Variants in DNMT1 observed in about 807,000 individuals in gnomAD.
DNMT1 encodes the protein DNA methyltransferase 1, also known as DNA (cytosine-5)-methyltransferase 1.
In DNMT1, 24 loss-of-function variants were observed where a neutral mutation model predicts 205.3. That is an observed-to-expected ratio of 0.12 (90% CI 0.08 to 0.16). The LOEUF (loss-of-function observed/expected upper bound fraction) is 0.16. Ranked by LOEUF, DNMT1 falls within the 10% of genes least tolerant of loss-of-function variation. The probability of loss-of-function intolerance (pLI) is 1.00; values close to 1 mark genes in which losing one functional copy is unlikely to be tolerated. For synonymous variants in DNMT1, 817 were observed against 839.8 expected (o/e 0.97, Z 0.47); for missense variants, 1,293 against 2,177.7 (o/e 0.59, Z 8.09).
At chr19:10,174,565 G>A (rs958368710) in intron 7 of DNMT1, among the ~76,000 whole-genome samples, 3 of 151,944 alleles carry the variant, frequency 2.0e-5, no homozygotes, top group African/African-American at 7.3e-5. Flanking sequence ...AATTAGCTGG[G>A]TATGATGGCA....
At chr19:10,179,113 C>G (rs1480774998) in intron 5 of DNMT1, among the ~76,000 whole-genome samples, 15 of 99,682 alleles carry the variant, frequency 1.5e-4, no homozygotes, top group African/African-American at 5.6e-4. Context: ...TGGGAGACAA[C>G]AAGACTCCAT....
At chr19:10,155,741 G>A in intron 19 of DNMT1, 112 bp downstream of exon 19, 1 of 1,126,784 alleles carries the variant, frequency 8.9e-7, no homozygotes, top group Non-Finnish European at 1.3e-6. Flanking sequence ...CAGTCACATG[G>A]CCTTCTGCAA....
At chr19:10,165,688 C>T (rs1248352680) in intron 11 of DNMT1, among the ~76,000 whole-genome samples, 1 of 152,200 alleles carries the variant, frequency 6.6e-6, no homozygotes, top group African/African-American at 2.4e-5. Flanking sequence ...CCACCATGCC[C>T]AGCCCTCACA....
rs1204254455 is a variant in DNMT1 at position 10,140,711 on chromosome 19, G to A, written c.3523+70C>T. On this transcript the variant is annotated intron_variant, in intron 32 of 40. Coordinates refer to ENST00000359526, the MANE Select transcript of DNMT1 (RefSeq NM_001130823.3). The surrounding 1 kb of genome is among the most constrained non-coding windows in gnomAD (Gnocchi z 8.4). ...GTCAGGAAGGTGACCGGGGTTGGAA[G>A]TCGTTTCAGGTAGCACCTGCCCGGT... is the stretch of plus-strand genomic sequence containing the variant. The A allele has an allele frequency of 1.9e-5, 30 of 1,612,420 alleles. No individual in the cohort carries two copies. Among genetic ancestry groups the A allele is most frequent in the Admixed American group, 3.3e-5 (2 of 59,996 alleles).
chr19:10,153,050 G>T lies in DNMT1; in HGVS notation c.2020-1203C>A, dbSNP rs750035782. On this transcript the variant is annotated intron_variant, in intron 22 of 40. Transcript: ENST00000359526. ...TAAGAAGCCAGATAGGTGGTGTGAG[G>T]AAAGAAGAACGCACACTGCTCAAAT... Among the ~76,000 whole-genome samples the T allele has an allele frequency of 2.0e-5, 3 of 152,096 alleles. No homozygotes were observed. The South Asian group carries it at 6.2e-4, about 32-fold the overall frequency.
At position 10,160,635 on chromosome 19, in the gene DNMT1, C is replaced by T. The variant is rs148421381; in HGVS notation, c.1009-217G>A. Among the ~76,000 whole-genome samples the T allele has an allele frequency of 6.5e-3, 988 of 152,338 alleles. 11 individuals carry two copies. The highest frequency in any genetic ancestry group is 0.023 in the African/African-American group (945 of 41,576). On this transcript the variant is annotated intron_variant, in intron 13 of 40. Coordinates refer to ENST00000359526, the MANE Select transcript of DNMT1 (RefSeq NM_001130823.3). ...TCAGGCCCAGCACAGTGGCTCATGC[C>T]TGTAATCCCAGCACTTTGGGAGGCC... is the stretch of plus-strand genomic sequence containing the variant.
In DNMT1 at chr19:10,135,822, C is replaced by T. The variant is rs1305204736; in HGVS notation, c.4687G>A (p.Val1563Met). 6.4e-7 allele frequency: 1 copy of T among 1,566,522 alleles called. No individual in the cohort carries two copies. The highest frequency in any genetic ancestry group is 1.9e-5 in the Admixed American group (1 of 52,862). ...CGGGCACACTCCCGCACGCTCACCA[C>T]ACGGTGCTGCTCTGGGTGGAGCACG... is the stretch of plus-strand genomic sequence containing the variant. The part of the protein sequence containing the change: ...GRVLHPEQHR[V>M]VSVRECARSQ... The change falls in exon 39 of 41, where the codon GTG becomes ATG. Residue 1563 changes from valine to methionine, a missense_variant. This residue lies in a region of DNMT1 where 24 missense variants were observed against 58.0 expected (regional missense o/e 0.41). Coordinates refer to ENST00000359526, the MANE Select transcript of DNMT1 (RefSeq NM_001130823.3).
At position 10,146,397 on chromosome 19, in the gene DNMT1, G is replaced by T; in HGVS notation, c.2848C>A (p.Arg950=). The T allele has an allele frequency of 6.2e-7, 1 of 1,613,994 alleles. No individual in the cohort carries two copies. The highest frequency in any genetic ancestry group is 1.1e-5 in the South Asian group (1 of 91,036). The change falls in exon 28 of 41, where the codon CGA becomes AGA. Residue 950 remains arginine (R), a synonymous_variant. Transcript: ENST00000359526. The surrounding 1 kb of genome is among the most constrained non-coding windows in gnomAD (Gnocchi z 4.4). ...YSATKNGILY[R]VGDGVYLPPE... is the part of the protein sequence containing the mutation. ...GGCAGGTACACACCATCACCAACTC[G>T]GTACAGGATGCCGTTCTTGGTGGCT...
chr19:10,187,660 A>G (rs946511509), intron 1 of DNMT1, among the ~76,000 whole-genome samples: 1 of 152,048 alleles, frequency 6.6e-6, no homozygotes, highest in African/African-American at 2.4e-5. Flanking sequence ...ACTAGAGCCC[A>G]GGAATTTGAG....
chr19:10,145,787 G>C (rs927551366), intron 28 of DNMT1, among the ~76,000 whole-genome samples: 3 of 152,146 alleles, frequency 2.0e-5, no homozygotes, highest in African/African-American at 7.2e-5. Flanking sequence ...CTTGGGGGTG[G>C]GCCCCCAGCT....
intron 33 of DNMT1, 67 bp from the exon 34 acceptor site, chr19:10,139,884 C>T: frequency 1.3e-6 from 2 of 1,557,766 alleles, no homozygotes; most frequent in Admixed American, 3.9e-5. Context: ...ACCCACTGTG[C>T]CGGAAGCCCC....
At chr19:10,150,837 A>G (rs2038326343) in intron 24 of DNMT1, among the ~76,000 whole-genome samples, 2 of 152,190 alleles carry the variant, frequency 1.3e-5, no homozygotes, top group South Asian at 4.1e-4. Flanking sequence ...TCCTGCCTGT[A>G]ATCCCAGCAC....
At position 10,163,378 on chromosome 19, in the gene DNMT1, G is replaced by T; in HGVS notation, c.892-18C>A. 6.2e-7 allele frequency: 1 copy of T among 1,613,424 alleles called. No homozygotes were observed. Among genetic ancestry groups the T allele is most frequent in the Non-Finnish European group, 8.5e-7 (1 of 1,179,538 alleles). On this transcript the variant is annotated intron_variant, in intron 11 of 40. Coordinates refer to ENST00000359526, the MANE Select transcript of DNMT1 (RefSeq NM_001130823.3). ...TTCTCATCCTGACAGAAAAATAAGG[G>T]GGAGGTAGAGAGATAAAGAAGGGAA... is the stretch of plus-strand genomic sequence containing the variant.
chr19:10,194,676 G>C (rs2039369904), intron 1 of DNMT1, 144 bp downstream of exon 1: 7 of 1,184,658 alleles, frequency 5.9e-6, no homozygotes, highest in Non-Finnish European at 7.9e-6. Context: ...CCCTGCCCGC[G>C]CCAACTGCCG....
intron 1 of DNMT1, among the ~76,000 whole-genome samples, chr19:10,182,520 T>C (rs959903305): frequency 1.4e-5 from 2 of 144,910 alleles, no homozygotes; most frequent in Non-Finnish European, 3.0e-5. Flanking sequence ...TATACATATA[T>C]ATGTGTATAT....
chr19:10,177,126 C>T (rs1448711803), intron 6 of DNMT1, among the ~76,000 whole-genome samples, 166 bp downstream of exon 6: 3 of 151,990 alleles, frequency 2.0e-5, no homozygotes, highest in Non-Finnish European at 4.4e-5. Flanking sequence ...TGAGTAAAAA[C>T]AGGTAACGTT....
intron 17 of DNMT1, among the ~76,000 whole-genome samples, chr19:10,157,280 A>G (rs2038477953): frequency 6.6e-6 from 1 of 151,786 alleles, no homozygotes; most frequent in African/African-American, 2.4e-5. Flanking sequence ...GATACCTCAT[A>G]TGGTTAATTT....
At chr19:10,143,632 C>G in intron 29 of DNMT1, 134 bp downstream of exon 29, 1 of 1,030,504 alleles carries the variant, frequency 9.7e-7, no homozygotes, top group Admixed American at 1.8e-5. Context: ...CACCGATAAT[C>G]AGAAACACTT....
At position 10,162,666 on chromosome 19, in the gene DNMT1, C is replaced by A; in HGVS notation, c.1008+1G>T. The A allele has an allele frequency of 6.2e-7, 1 of 1,609,596 alleles. No individual in the cohort carries two copies. The highest frequency in any genetic ancestry group is 1.3e-5 in the African/African-American group (1 of 74,746). ...GAAAGAAAGAAAAGTGAGACCTTTA[C>A]CTTTTCATCCTCGTCTTTTTCATCA... is the stretch of plus-strand genomic sequence containing the variant. On this transcript the variant is annotated splice_donor_variant, in intron 13 of 40. Coordinates refer to ENST00000359526, the MANE Select transcript of DNMT1 (RefSeq NM_001130823.3). LOFTEE classifies it high-confidence loss of function.
Sources: gnomAD v4.1 joint callset for allele counts (sites outside exome capture counted in the v4.1 genomes callset) on GRCh38, gnomAD v4.1.1 for gene constraint, gnomAD v4.1.1 regional missense constraint, Gnocchi (gnomAD v3.1) non-coding constraint, MANE v1.5 for transcripts, NCBI Gene and HGNC (gene_info 2026-07-23, HGNC 2026-07-21) for gene names.